Variants in PTPN3 observed in about 807,000 individuals in gnomAD.
PTPN3 encodes protein tyrosine phosphatase non-receptor type 3, also known as tyrosine-protein phosphatase non-receptor type 3.
In PTPN3, 96 loss-of-function variants were observed where a neutral mutation model predicts 132.7. The observed-to-expected ratio is 0.72, with a 90% confidence interval of 0.61 to 0.86. The LOEUF (loss-of-function observed/expected upper bound fraction) is 0.86, where lower values mean the gene tolerates loss of function less well. PTPN3 is among the 40% of genes least tolerant of loss of function. The probability of loss-of-function intolerance (pLI) is 0.00; values close to 1 mark genes in which losing one functional copy is unlikely to be tolerated. For missense variants in PTPN3, 1,125 were observed against 1,159.6 expected (o/e 0.97, Z 0.43); for synonymous variants, 398 against 429.0 (o/e 0.93, Z 0.89).
the PTPN3 span, chr9:109,533,833 C>G: frequency 2.3e-6 from 2 of 855,702 alleles, no homozygotes; most frequent in Non-Finnish European, 3.9e-6. Context: ...TTCCCCCACT[C>G]TCGCTATTCT....
intron 21 of PTPN3, among the ~76,000 whole-genome samples, chr9:109,390,591 A>G (rs1471386358): frequency 6.6e-6 from 1 of 152,208 alleles, no homozygotes; most frequent in Non-Finnish European, 1.5e-5. Context: ...CCTAAAACTT[A>G]AAGTATAATA....
chr9:109,500,227 T>C (rs1181488651), upstream of PTPN3, among the ~76,000 whole-genome samples: 2 of 152,354 alleles, frequency 1.3e-5, no homozygotes, highest in South Asian at 2.1e-4. Context: ...GTCATCCTCA[T>C]GCCAGTTTGC....
At chr9:109,392,747 G>C (rs1210956494) in intron 19 of PTPN3, 2 of 152,150 alleles carry the variant, frequency 1.3e-5, no homozygotes, top group Non-Finnish European at 2.9e-5. Context: ...GGGACTACAG[G>C]TGTGCATCAC....
At chr9:109,504,923 A>G in the PTPN3 span, among the ~76,000 whole-genome samples, 1 of 152,204 alleles carries the variant, frequency 6.6e-6, no homozygotes, top group Non-Finnish European at 1.5e-5. Flanking sequence ...ACCCAGGGAA[A>G]ATGGGTTTGT....
At chr9:109,463,214 T>C in intron 2 of PTPN3, 83 bp downstream of exon 2, 1 of 1,330,944 alleles carries the variant, frequency 7.5e-7, no homozygotes, top group East Asian at 2.4e-5. Flanking sequence ...TATTTTTTTC[T>C]TCATTTTGTG....
chr9:109,474,828 G>C (rs1846569684), intron 1 of PTPN3, among the ~76,000 whole-genome samples: 1 of 152,140 alleles, frequency 6.6e-6, no homozygotes, highest in Admixed American at 6.5e-5. Flanking sequence ...ACAGCTGTGG[G>C]GGGACCTCAG....
chr9:109,449,493 A>G (rs1284250734), intron 5 of PTPN3: 2 of 985,524 alleles, frequency 2.0e-6, no homozygotes, highest in South Asian at 4.7e-5. Flanking sequence ...TGTAACTTCC[A>G]AACTCCAGAC....
At chr9:109,426,874 T>A in intron 12 of PTPN3, 76 bp downstream of exon 12, 1 of 1,452,152 alleles carries the variant, frequency 6.9e-7, no homozygotes, top group South Asian at 1.3e-5. Context: ...TGCCTAACAA[T>A]GTCCTCTATT....
intron 16 of PTPN3, among the ~76,000 whole-genome samples, chr9:109,408,786 A>ATATATATATAT (rs1420542134): frequency 9.3e-5 from 4 of 43,074 alleles, no homozygotes; most frequent in East Asian, 4.7e-4. Context: ...ATAATTAAAA[A>ATATATATATAT]AAAAAAAAAA....
intron 12 of PTPN3, among the ~76,000 whole-genome samples, chr9:109,423,137 A>G (rs1842997508): frequency 6.6e-6 from 1 of 152,270 alleles, no homozygotes; most frequent in South Asian, 2.1e-4. Context: ...AAGGAATTCC[A>G]GGATCACACA....
intron 5 of PTPN3, chr9:109,449,465 C>T: frequency 1.0e-6 from 1 of 985,528 alleles, no homozygotes; most frequent in Non-Finnish European, 1.2e-6. Context: ...CTGCACTCAT[C>T]TCTGGGCAAC....
At chr9:109,450,701 A>T in intron 5 of PTPN3, 1 of 985,160 alleles carries the variant, frequency 1.0e-6, no homozygotes, top group Non-Finnish European at 1.2e-6. Flanking sequence ...GCAGTTGTGG[A>T]GGCTCACAAT....
At chr9:109,386,679 C>T (rs943413252) in intron 22 of PTPN3, among the ~76,000 whole-genome samples, 1 of 152,158 alleles carries the variant, frequency 6.6e-6, no homozygotes, top group Non-Finnish European at 1.5e-5. Context: ...TAAAGAGGCA[C>T]ATGATGTACC....
chr9:109,478,390 C>A (rs949133338), intron 1 of PTPN3, among the ~76,000 whole-genome samples: 1 of 152,166 alleles, frequency 6.6e-6, no homozygotes, highest in African/African-American at 2.4e-5. Context: ...TATGACTCTA[C>A]GATATTCCAC....
chr9:109,520,446 T>C, the PTPN3 span, among the ~76,000 whole-genome samples: 1 of 152,190 alleles, frequency 6.6e-6, no homozygotes, highest in Non-Finnish European at 1.5e-5. Context: ...TCTAGGAGCA[T>C]CCCGAAGTAT....
chr9:109,413,198 C>T (rs867216842), intron 14 of PTPN3, among the ~76,000 whole-genome samples: 19 of 151,976 alleles, frequency 1.3e-4, no homozygotes, highest in Middle Eastern at 3.4e-3. Context: ...TTGTGATCTG[C>T]CCGCCTCGGC....
chr9:109,500,519 G>A (rs929896094), upstream of PTPN3, among the ~76,000 whole-genome samples: 3 of 151,948 alleles, frequency 2.0e-5, no homozygotes, highest in South Asian at 6.2e-4. Flanking sequence ...CAATAACAGA[G>A]GGATGATTAA....
chr9:109,499,326 A>G (rs1057353062), upstream of PTPN3, among the ~76,000 whole-genome samples: 7 of 152,148 alleles, frequency 4.6e-5, no homozygotes, highest in Admixed American at 2.6e-4. Flanking sequence ...TGAGAAGGTG[A>G]TAGTGGTATT....
intron 7 of PTPN3, among the ~76,000 whole-genome samples, chr9:109,440,722 TA>T (rs1310450422): frequency 6.6e-6 from 1 of 152,246 alleles, no homozygotes; most frequent in African/African-American, 2.4e-5. Context: ...TTATCCATCA[TA>T]CCAGTTAACA....
Sources: allele counts gnomAD v4.1 joint callset (sites outside exome capture counted in the v4.1 genomes callset), GRCh38; gene constraint gnomAD v4.1.1; transcripts MANE v1.5; gene names NCBI Gene and HGNC (gene_info 2026-07-23, HGNC 2026-07-21).